Variants in DNAJB6 observed in about 807,000 individuals in gnomAD.
The protein encoded by DNAJB6 is dnaJ homolog subfamily B member 6.
A neutral mutation model predicts 42.7 loss-of-function variants in DNAJB6; 16 were observed. The observed-to-expected ratio is 0.37, with a 90% CI of 0.25 to 0.57. The LOEUF (loss-of-function observed/expected upper bound fraction) is 0.57. Ranked by LOEUF, DNAJB6 falls within the 20% of genes least tolerant of loss-of-function variation. DNAJB6 has a pLI of 0.74. For synonymous variants in DNAJB6, 170 were observed against 163.5 expected (o/e 1.04, Z -0.30); for missense variants, 347 against 416.8 (o/e 0.83, Z 1.46).
chr7:157,392,586 G>A (rs926036907), intron 8 of DNAJB6, among the ~76,000 whole-genome samples: 2 of 152,090 alleles, frequency 1.3e-5, no homozygotes, highest in African/African-American at 2.4e-5. Context: ...CCGGACTCTC[G>A]TCCTGTCTGG....
chr7:157,407,334 C>A (rs544756963), intron 8 of DNAJB6, among the ~76,000 whole-genome samples: 1 of 152,208 alleles, frequency 6.6e-6, no homozygotes, highest in East Asian at 1.9e-4. Flanking sequence ...ACAGAGCTCA[C>A]GCTGCATCGC....
intron 8 of DNAJB6, among the ~76,000 whole-genome samples, chr7:157,401,540 AAG>A (rs1454307476): frequency 6.6e-6 from 1 of 152,224 alleles, no homozygotes; most frequent in Non-Finnish European, 1.5e-5. Flanking sequence ...AAGGAATGGA[AAG>A]AGCACAGAGA....
chr7:157,353,676 G>T (rs1799126930), intron 1 of DNAJB6, among the ~76,000 whole-genome samples: 1 of 151,480 alleles, frequency 6.6e-6, no homozygotes, highest in African/African-American at 2.4e-5. Flanking sequence ...GTGCTTGGAT[G>T]GGAGATAGGG....
intron 5 of DNAJB6, chr7:157,369,378 T>C: frequency 2.2e-6 from 1 of 456,696 alleles, no homozygotes; most frequent in South Asian, 1.5e-5. Flanking sequence ...AGTGTTTGGG[T>C]TGAAGTCCTG....
chr7:157,401,895 C>G (rs1172448785), intron 8 of DNAJB6, among the ~76,000 whole-genome samples: 1 of 152,212 alleles, frequency 6.6e-6, no homozygotes, highest in Non-Finnish European at 1.5e-5. Context: ...CCTGCCTTCT[C>G]TCTGTTGCAG....
intron 1 of DNAJB6, among the ~76,000 whole-genome samples, chr7:157,346,793 C>A (rs1479304939): frequency 6.6e-6 from 1 of 152,218 alleles, no homozygotes; most frequent in Non-Finnish European, 1.5e-5. Flanking sequence ...AGCACTTCAG[C>A]CAGCTCTGCA....
chr7:157,370,085 A>T (rs572847880), intron 5 of DNAJB6, among the ~76,000 whole-genome samples: 1 of 146,042 alleles, frequency 6.8e-6, no homozygotes, highest in Non-Finnish European at 1.5e-5. Context: ...GCCCCTTCTT[A>T]ACATTATTAT....
At chr7:157,415,911 T>C (rs1796096856) in intron 9 of DNAJB6, 105 bp from the exon 10 acceptor site, 1 of 1,590,046 alleles carries the variant, frequency 6.3e-7, no homozygotes. Flanking sequence ...CTTCATTTTG[T>C]TGCTTTTTGT....
intron 7 of DNAJB6, 126 bp from the exon 8 acceptor site, chr7:157,385,415 G>A (rs1318810361): frequency 1.2e-5 from 13 of 1,053,478 alleles, no homozygotes; most frequent in Non-Finnish European, 1.7e-5. Context: ...CTTCAGCCAT[G>A]TTTTTACAGC....
chr7:157,393,736 T>A (rs1254769462), intron 8 of DNAJB6, among the ~76,000 whole-genome samples: 1 of 151,896 alleles, frequency 6.6e-6, no homozygotes, highest in Admixed American at 6.6e-5. Context: ...GGTGCATGTG[T>A]GCAGTGGGTG....
At chr7:157,376,155 ATG>A (rs1479973130) in intron 5 of DNAJB6, among the ~76,000 whole-genome samples, 1 of 152,116 alleles carries the variant, frequency 6.6e-6, no homozygotes, top group Non-Finnish European at 1.5e-5. Flanking sequence ...CTCAGAGAAA[ATG>A]TGTGGGTTTA....
intron 8 of DNAJB6, among the ~76,000 whole-genome samples, chr7:157,403,816 G>T (rs2117183246): frequency 6.6e-6 from 1 of 152,360 alleles, no homozygotes; most frequent in East Asian, 1.9e-4. Flanking sequence ...GCTTTAGGGG[G>T]AAGCGCAGCC....
At chr7:157,345,320 G>GT (rs923441134) in intron 1 of DNAJB6, among the ~76,000 whole-genome samples, 2 of 151,920 alleles carry the variant, frequency 1.3e-5, no homozygotes, top group South Asian at 2.1e-4. Context: ...TATATATTTT[G>GT]TTTTTTTCTG....
chr7:157,341,507 C>T (rs968582182), intron 1 of DNAJB6, among the ~76,000 whole-genome samples: 3 of 152,108 alleles, frequency 2.0e-5, no homozygotes, highest in Non-Finnish European at 2.9e-5. Context: ...GATTTTTCCC[C>T]CTTTGATATT....
chr7:157,366,982 T>C (rs796070196), intron 4 of DNAJB6, among the ~76,000 whole-genome samples: 3 of 152,348 alleles, frequency 2.0e-5, no homozygotes, highest in African/African-American at 7.2e-5. Context: ...TGGGAAATTA[T>C]TGCTCCAAAC....
intron 8 of DNAJB6, 61 bp downstream of exon 8, chr7:157,385,672 G>A (rs772004730): frequency 1.9e-5 from 30 of 1,603,666 alleles, no homozygotes; most frequent in Middle Eastern, 2.0e-4. Context: ...TAACAGAAAT[G>A]TTAAACTATA....
At chr7:157,339,534 T>A (rs1451540415) in intron 1 of DNAJB6, among the ~76,000 whole-genome samples, 1 of 151,766 alleles carries the variant, frequency 6.6e-6, no homozygotes, top group Non-Finnish European at 1.5e-5. Context: ...TCTCCTGACC[T>A]CGTGATCCGC....
At chr7:157,385,800 A>T (rs1397878160) in intron 8 of DNAJB6, 189 bp downstream of exon 8, 1 of 1,350,422 alleles carries the variant, frequency 7.4e-7, no homozygotes, top group African/African-American at 1.5e-5. Context: ...TCTATTTGTC[A>T]TAGACTTTTG....
At chr7:157,346,870 T>C (rs1056282037) in intron 1 of DNAJB6, among the ~76,000 whole-genome samples, 11 of 152,178 alleles carry the variant, frequency 7.2e-5, no homozygotes, top group African/African-American at 2.7e-4. Context: ...TTTCTTGTTT[T>C]CTTGAGATGG....
Sources: gnomAD v4.1 joint callset for allele counts (sites outside exome capture counted in the v4.1 genomes callset) on GRCh38, gnomAD v4.1.1 for gene constraint, MANE v1.5 for transcripts, NCBI Gene and HGNC (gene_info 2026-07-23, HGNC 2026-07-21) for gene names.